The following ITSN1 variants were observed in gnomAD, a reference collection of about 807,000 sequenced individuals.
ITSN1 encodes intersectin-1.
ITSN1 carries 58 observed loss-of-function variants against 239.8 expected under a neutral mutation model. That is an observed-to-expected ratio of 0.24 (90% CI 0.20 to 0.30). The LOEUF is 0.30. ITSN1 is among the 10% of genes least tolerant of loss of function. The pLI is 1.00. For missense variants in ITSN1, 1,558 were observed against 2,103.3 expected (o/e 0.74, Z 5.07); for synonymous variants, 780 against 770.8 (o/e 1.01, Z -0.20).
At chr21:33,717,315 G>T (rs562890567) in intron 1 of ITSN1, among the ~76,000 whole-genome samples, 2 of 151,908 alleles carry the variant, frequency 1.3e-5, no homozygotes, top group African/African-American at 4.8e-5. Context: ...TGCCACCTCA[G>T]CCTCCTGAGT....
chr21:33,707,145 T>C (rs2092278382), intron 1 of ITSN1, among the ~76,000 whole-genome samples: 7 of 152,362 alleles, frequency 4.6e-5, no homozygotes, highest in Admixed American at 2.0e-4. Context: ...AACATAGATA[T>C]GCTAGTTTAT....
intron 20 of ITSN1, among the ~76,000 whole-genome samples, chr21:33,803,294 C>T (rs1474904047): frequency 6.6e-6 from 1 of 152,198 alleles, no homozygotes; most frequent in African/African-American, 2.4e-5. Flanking sequence ...TTCTCGTTCC[C>T]TCTGCCCCAG....
At chr21:33,829,770 C>T in intron 27 of ITSN1, 25 bp downstream of exon 27, 1 of 1,612,728 alleles carries the variant, frequency 6.2e-7, no homozygotes, top group Non-Finnish European at 8.5e-7. Context: ...TGTTTATTTA[C>T]AATTCTCCAT....
rs1986314946 is a variant in ITSN1, at chr21:33,890,852, C to T, written c.*2552C>T. On this transcript the variant is annotated 3_prime_UTR_variant, in exon 40 of 40. Transcript: ENST00000381318. ...CCACTGCATCCCGGCATCCTGATCC[C>T]AGCCTTTTAGACACCCCTGCAAGCG... The T allele has an allele frequency of 6.6e-6, 1 of 152,598 alleles. No individual in the cohort carries two copies. The highest frequency in any genetic ancestry group is 1.5e-5 in the Non-Finnish European group (1 of 68,256). 9.5% of individuals were successfully genotyped at this position (152,598 alleles called of 1,614,324 possible). A position where few individuals can be genotyped will look rare whatever the true frequency, so the allele number is the denominator to read the frequency against.
Position 33,831,309 on chromosome 21 carries a change from C to T in ITSN1, c.3351+1564C>T, listed in dbSNP as rs184589198. ...GTCCGTCTCTCTGGCGTTTGTTGAA[C>T]GTGGGCCTCTGCGTAACACAGGGGG... is the stretch of plus-strand genomic sequence containing the variant. On this transcript the variant is annotated intron_variant, in intron 27 of 39. Coordinates refer to ENST00000381318, the MANE Select transcript of ITSN1 (RefSeq NM_003024.3). 2.4e-4 allele frequency among the ~76,000 whole-genome samples: 36 copies of T among 152,296 alleles called. No individual in the cohort carries two copies. In the East Asian group the frequency reaches 5.8e-3, roughly 24 times the overall value.
At chr21:33,816,174 C>G (rs942155000) in intron 22 of ITSN1, among the ~76,000 whole-genome samples, 5 of 149,894 alleles carry the variant, frequency 3.3e-5, no homozygotes, top group African/African-American at 1.2e-4. Flanking sequence ...GCCTGGGCGA[C>G]AGAGCAAGAC....
chr21:33,731,806 A>G lies in ITSN1; in HGVS notation c.186-3238A>G, dbSNP rs117393645. ...GGAAACTACTTAAATATGTGAGACTACTATCCATGAAAAGAGTCAAACTCT... is the reference window on the plus strand; with the variant it reads ...GGAAACTACTTAAATATGTGAGACTGCTATCCATGAAAAGAGTCAAACTCT... On this transcript the variant is annotated intron_variant, in intron 4 of 39. Coordinates refer to ENST00000381318, the MANE Select transcript of ITSN1 (RefSeq NM_003024.3). Among the ~76,000 whole-genome samples, 1,042 of 152,330 alleles carry G rather than the reference A, an allele frequency of 6.8e-3. 5 individuals are homozygous for G. Among genetic ancestry groups the G allele is most frequent in the Admixed American group, 0.011 (166 of 15,302 alleles).
intron 1 of ITSN1, among the ~76,000 whole-genome samples, chr21:33,706,611 A>C (rs1361799605): frequency 6.6e-6 from 1 of 152,096 alleles, no homozygotes; most frequent in African/African-American, 2.4e-5. Flanking sequence ...TTTAAAAAGA[A>C]ATTTTCTTTT....
chr21:33,856,313 A>C (rs2148476038), intron 29 of ITSN1, among the ~76,000 whole-genome samples: 1 of 152,314 alleles, frequency 6.6e-6, no homozygotes, highest in African/African-American at 2.4e-5. Flanking sequence ...TAAAACAATA[A>C]GAATTTATTG....
At chr21:33,769,463 A>G (rs2068955438) in intron 11 of ITSN1, among the ~76,000 whole-genome samples, 1 of 152,174 alleles carries the variant, frequency 6.6e-6, no homozygotes, top group Non-Finnish European at 1.5e-5. Context: ...TGCTTGGACT[A>G]CCATAACAAA....
chr21:33,751,235 A>AG (rs1466875356), intron 6 of ITSN1, among the ~76,000 whole-genome samples: 4 of 152,204 alleles, frequency 2.6e-5, no homozygotes, highest in Non-Finnish European at 4.4e-5. Flanking sequence ...ACACACTCTG[A>AG]GTCTTCTATT....
chr21:33,803,747 AAC>A (rs1454489857), intron 20 of ITSN1, among the ~76,000 whole-genome samples: 2 of 152,192 alleles, frequency 1.3e-5, no homozygotes, highest in African/African-American at 4.8e-5. Context: ...TTTTTAATAA[AAC>A]AAAATAAATT....
intron 1 of ITSN1, among the ~76,000 whole-genome samples, chr21:33,658,677 A>C (rs962182669): frequency 6.6e-6 from 1 of 152,116 alleles, no homozygotes; most frequent in African/African-American, 2.4e-5. Flanking sequence ...CATCTAGAGC[A>C]TTGCTCACCT....
chr21:33,774,084 G>C lies in ITSN1; in HGVS notation c.1306-645G>C, dbSNP rs531827658. Among the ~76,000 whole-genome samples, 21 of 152,272 alleles carry C rather than the reference G, an allele frequency of 1.4e-4. 1 individual carries two copies. Among genetic ancestry groups the C allele is most frequent in the African/African-American group, 4.8e-4 (20 of 41,556 alleles). On this transcript the variant is annotated intron_variant, in intron 12 of 39. Transcript: ENST00000381318. ...AACGTACCAAAAAAATGATATTCTA[G>C]AGTATTTATTCAGAATTATTTAATA...
chr21:33,653,823 A>G (rs1409729815), intron 1 of ITSN1, among the ~76,000 whole-genome samples: 2 of 151,932 alleles, frequency 1.3e-5, no homozygotes, highest in African/African-American at 4.8e-5. Context: ...CGCCCGGCCA[A>G]TGTCTTTCTT....
At chr21:33,823,462 G>A (rs772482137) in intron 24 of ITSN1, 25 bp from the exon 25 acceptor site, 26 of 1,603,580 alleles carry the variant, frequency 1.6e-5, no homozygotes, top group East Asian at 1.6e-4. Flanking sequence ...AGCTCTCTCC[G>A]TATCTCAATA....
rs542175588 is a variant in ITSN1 at position 33,773,755 on chromosome 21, C to T, written c.1306-974C>T. ...AGTGCAGTGGCACGATCTCAGTTCACTGCAGCCTTCACCTCCTGGGTTCAA... is the reference window on the plus strand; with the variant it reads ...AGTGCAGTGGCACGATCTCAGTTCATTGCAGCCTTCACCTCCTGGGTTCAA... On this transcript the variant is annotated intron_variant, in intron 12 of 39. Transcript: ENST00000381318. Among the ~76,000 whole-genome samples the T allele has an allele frequency of 2.0e-5, 3 of 152,166 alleles. No individual in the cohort carries two copies. In the East Asian group the frequency reaches 5.8e-4, roughly 30 times the overall value.
intron 31 of ITSN1, among the ~76,000 whole-genome samples, chr21:33,861,775 C>T (rs913049189): frequency 4.0e-5 from 6 of 151,660 alleles, no homozygotes; most frequent in Non-Finnish European, 8.8e-5. Flanking sequence ...TGAAACCCCA[C>T]ATCTACTAAA....
At chr21:33,818,231 A>G in intron 22 of ITSN1, 36 bp from the exon 23 acceptor site, 1 of 1,582,834 alleles carries the variant, frequency 6.3e-7, no homozygotes, top group African/African-American at 1.3e-5. Context: ...ACAAAGCGCA[A>G]CATAACGAGA....
Sources: allele counts gnomAD v4.1 joint callset (sites outside exome capture counted in the v4.1 genomes callset), GRCh38; gene constraint gnomAD v4.1.1; transcripts MANE v1.5; gene names NCBI Gene and HGNC (gene_info 2026-07-23, HGNC 2026-07-21).